Variants in ROBO2 observed in about 807,000 individuals in gnomAD.
ROBO2 encodes the protein roundabout guidance receptor 2, also known as roundabout homolog 2.
In ROBO2, 53 loss-of-function variants were observed where a neutral mutation model predicts 160.8. The observed-to-expected ratio is 0.33, with a 90% CI of 0.26 to 0.41. The LOEUF is 0.41. Among genes scored for constraint, ROBO2 ranks in the 10% least tolerant of loss-of-function variants. The probability of loss-of-function intolerance (pLI) is 1.00; values close to 1 mark genes in which losing one functional copy is unlikely to be tolerated. For missense variants in ROBO2, 1,577 were observed against 1,722.4 expected (o/e 0.92, Z 1.49); for synonymous variants, 664 against 611.7 (o/e 1.09, Z -1.26).
intron 2 of ROBO2, among the ~76,000 whole-genome samples, chr3:76,262,158 T>G (rs944761526): frequency 6.6e-6 from 1 of 152,158 alleles, no homozygotes; most frequent in African/African-American, 2.4e-5. Context: ...CGTTGCCTTA[T>G]ATTTTATACT....
intron 2 of ROBO2, among the ~76,000 whole-genome samples, chr3:76,824,442 G>C (rs924484573): frequency 2.0e-5 from 3 of 152,140 alleles, no homozygotes; most frequent in African/African-American, 7.2e-5. Context: ...TTTTAGTGCA[G>C]ACTAGTGCTG....
chr3:76,285,712 G>T (rs1428373046), intron 2 of ROBO2, among the ~76,000 whole-genome samples: 1 of 152,078 alleles, frequency 6.6e-6, no homozygotes, highest in Non-Finnish European at 1.5e-5. Context: ...ATGTAAACTT[G>T]TTGACTGTCA....
At chr3:76,413,478 G>C (rs1284548190) in intron 2 of ROBO2, among the ~76,000 whole-genome samples, 1 of 152,172 alleles carries the variant, frequency 6.6e-6, no homozygotes, top group Non-Finnish European at 1.5e-5. Flanking sequence ...CAGCACCCAA[G>C]TCACCTCTTG....
intron 2 of ROBO2, among the ~76,000 whole-genome samples, chr3:76,643,462 T>C (rs2090806643): frequency 2.0e-5 from 3 of 152,278 alleles, no homozygotes; most frequent in Non-Finnish European, 4.4e-5. Context: ...GTAAAATTAG[T>C]GCTGATTAGA....
At chr3:76,745,879 A>T (rs1576378640) in intron 2 of ROBO2, among the ~76,000 whole-genome samples, 2 of 150,378 alleles carry the variant, frequency 1.3e-5, no homozygotes, top group East Asian at 3.9e-4. Context: ...CATGTGCACA[A>T]TGTGCAGGTT....
chr3:76,000,452 G>A (rs553639611), intron 2 of ROBO2, among the ~76,000 whole-genome samples: 175 of 150,572 alleles, frequency 1.2e-3, no homozygotes, highest in African/African-American at 3.9e-3. Flanking sequence ...CTAGCAAACC[G>A]AATTAAATTA....
intron 2 of ROBO2, among the ~76,000 whole-genome samples, chr3:77,426,424 A>G (rs2078210323): frequency 6.6e-6 from 1 of 152,154 alleles, no homozygotes; most frequent in Non-Finnish European, 1.5e-5. Context: ...CGTGAAGGTT[A>G]AGATGCTTCA....
intron 2 of ROBO2, among the ~76,000 whole-genome samples, chr3:76,921,720 A>G (rs1014887402): frequency 5.3e-5 from 8 of 152,100 alleles, no homozygotes; most frequent in Admixed American, 2.6e-4. Flanking sequence ...GTGAAGCACC[A>G]TTCTTGGCAC....
chr3:76,172,471 A>T (rs954962793), intron 2 of ROBO2, among the ~76,000 whole-genome samples: 2 of 151,902 alleles, frequency 1.3e-5, no homozygotes, highest in Non-Finnish European at 2.9e-5. Flanking sequence ...TACTGCCCAT[A>T]AAAGGCAAAG....
intron 2 of ROBO2, among the ~76,000 whole-genome samples, chr3:77,349,004 T>C (rs2068001852): frequency 1.3e-5 from 2 of 152,152 alleles, no homozygotes. Context: ...CGCCTGCACC[T>C]GAGGTTTTGT....
chr3:77,100,076 G>C (rs2071691809), intron 2 of ROBO2, among the ~76,000 whole-genome samples: 1 of 151,796 alleles, frequency 6.6e-6, no homozygotes, highest in Non-Finnish European at 1.5e-5. Flanking sequence ...TCATTTTGTT[G>C]TTTCATCTAA....
chr3:77,360,739 C>A (rs1397147137), intron 2 of ROBO2, among the ~76,000 whole-genome samples: 1 of 151,944 alleles, frequency 6.6e-6, no homozygotes, highest in African/African-American at 2.4e-5. Flanking sequence ...GGATTCCTCT[C>A]CTCTCTGACT....
At chr3:76,669,731 T>G (rs952301162) in intron 2 of ROBO2, among the ~76,000 whole-genome samples, 4 of 152,222 alleles carry the variant, frequency 2.6e-5, no homozygotes, top group Admixed American at 6.6e-5. Flanking sequence ...TTTCATGCTG[T>G]TACATCTTTA....
chr3:77,392,899 T>C (rs1270974830), intron 2 of ROBO2, among the ~76,000 whole-genome samples: 1 of 152,238 alleles, frequency 6.6e-6, no homozygotes. Flanking sequence ...AAAACAAGTT[T>C]GTGATGCCAC....
chr3:77,281,984 G>A (rs1427015363), intron 2 of ROBO2, among the ~76,000 whole-genome samples: 1 of 152,136 alleles, frequency 6.6e-6, no homozygotes, highest in Non-Finnish European at 1.5e-5. Context: ...AGACCAGTAT[G>A]AGTCCCTGGC....
At chr3:76,313,447 CT>C (rs1201500287) in intron 2 of ROBO2, among the ~76,000 whole-genome samples, 40 of 152,184 alleles carry the variant, frequency 2.6e-4, no homozygotes, top group East Asian at 2.3e-3. Context: ...CATTATTTCC[CT>C]TTTCACAATG....
At chr3:77,407,456 A>G (rs1560748209) in intron 2 of ROBO2, among the ~76,000 whole-genome samples, 3 of 152,210 alleles carry the variant, frequency 2.0e-5, no homozygotes, top group African/African-American at 7.2e-5. Flanking sequence ...TGAAAAATGT[A>G]GCAAAGCTAA....
chr3:76,205,451 G>A (rs189923564), intron 2 of ROBO2, among the ~76,000 whole-genome samples: 22 of 152,232 alleles, frequency 1.4e-4, no homozygotes, highest in Admixed American at 5.2e-4. Context: ...TGAAAGGCAA[G>A]GGAAGAACCT....
At chr3:77,469,799 T>C (rs940287350) in intron 2 of ROBO2, among the ~76,000 whole-genome samples, 3 of 152,170 alleles carry the variant, frequency 2.0e-5, no homozygotes, top group Non-Finnish European at 4.4e-5. Context: ...TGTGGTCTAT[T>C]TTATATCATA....
Sources: allele counts gnomAD v4.1 joint callset (sites outside exome capture counted in the v4.1 genomes callset), GRCh38; gene constraint gnomAD v4.1.1; transcripts MANE v1.5; gene names NCBI Gene and HGNC (gene_info 2026-07-23, HGNC 2026-07-21).